The following OPCML variants were observed in gnomAD, a reference collection of about 807,000 sequenced individuals.
OPCML encodes the protein opioid-binding protein/cell adhesion molecule.
Under a neutral mutation model 37.8 loss-of-function variants are expected in OPCML, and 13 were observed. That is an observed-to-expected ratio of 0.34 (90% confidence interval 0.22 to 0.55). OPCML has a LOEUF of 0.55. Among genes scored for constraint, OPCML ranks in the 20% least tolerant of loss-of-function variants. OPCML has a pLI of 0.91. For synonymous variants in OPCML, 176 were observed against 168.8 expected (o/e 1.04, Z -0.33); for missense variants, 341 against 435.6 (o/e 0.78, Z 1.93).
rs145368132 is a variant in OPCML, at chr11:132,942,891, A to AGGGGCTCGGGGCTC, written c.146+34_146+35insGAGCCCCGAGCCCC. 79 of 1,612,140 alleles carry AGGGGCTCGGGGCTC rather than the reference A, an allele frequency of 4.9e-5. No individual in the cohort carries two copies. The South Asian group carries it at 7.8e-4, about 16-fold the overall frequency. On this transcript the variant is annotated intron_variant, in intron 2 of 7. Transcript: ENST00000524381. ...CTCCTCTCCCCAGCGACCACAGCCCAGGGGCTCGGCCCCCGCGGAAGGACA... is the reference window on the plus strand; with the variant it reads ...CTCCTCTCCCCAGCGACCACAGCCCAGGGGCTCGGGGCTCGGGGCTCGGCCCCCGCGGAAGGACA...
chr11:133,233,029 TG>T (rs1019602388), intron 1 of OPCML, among the ~76,000 whole-genome samples: 1 of 151,972 alleles, frequency 6.6e-6, no homozygotes, highest in Non-Finnish European at 1.5e-5. Flanking sequence ...TTTTGGGGGG[TG>T]GGTCTTCCTC....
chr11:133,127,733 G>T (rs188698414), intron 1 of OPCML, among the ~76,000 whole-genome samples: 5 of 151,776 alleles, frequency 3.3e-5, no homozygotes, highest in Admixed American at 6.6e-5. Flanking sequence ...AAAACAAATT[G>T]CTGTCATCAC....
chr11:132,600,048 C>A (rs1221086627), intron 3 of OPCML, among the ~76,000 whole-genome samples: 1 of 152,178 alleles, frequency 6.6e-6, no homozygotes. Flanking sequence ...TTTAAGGGAA[C>A]AGGTATGGGC....
chr11:132,431,519 CTG>C (rs201010844), intron 7 of OPCML, among the ~76,000 whole-genome samples: 3,274 of 152,312 alleles, frequency 0.021, 56 homozygotes, highest in Non-Finnish European at 0.034. Flanking sequence ...CCTTGTGGCT[CTG>C]TGTGGGGAAG....
chr11:132,622,962 C>T (rs1034160115), intron 3 of OPCML, among the ~76,000 whole-genome samples: 1 of 152,164 alleles, frequency 6.6e-6, no homozygotes, highest in African/African-American at 2.4e-5. Context: ...ACTTCCTCAA[C>T]TCTAAATGGC....
chr11:133,192,805 G>A (rs2136304532), intron 1 of OPCML, among the ~76,000 whole-genome samples: 1 of 151,872 alleles, frequency 6.6e-6, no homozygotes, highest in South Asian at 2.1e-4. Flanking sequence ...TTTAGTTGTG[G>A]TTGCTATAAT....
intron 1 of OPCML, among the ~76,000 whole-genome samples, chr11:133,087,498 A>T (rs1375181708): frequency 6.6e-6 from 1 of 151,988 alleles, no homozygotes; most frequent in Non-Finnish European, 1.5e-5. Context: ...GTCCATGTAG[A>T]CTCAATGAAT....
At chr11:132,921,853 G>A (rs554196705) in intron 2 of OPCML, among the ~76,000 whole-genome samples, 1 of 152,206 alleles carries the variant, frequency 6.6e-6, no homozygotes, top group East Asian at 1.9e-4. Context: ...GCACCTTATT[G>A]AGGCCCTCCA....
intron 4 of OPCML, among the ~76,000 whole-genome samples, chr11:132,466,265 C>T (rs966193470): frequency 6.7e-6 from 1 of 149,296 alleles, no homozygotes; most frequent in African/African-American, 2.5e-5. Context: ...GCGGGCGGAT[C>T]ACGAGGTCAG....
chr11:133,404,013 G>C (rs769930363), intron 1 of OPCML, among the ~76,000 whole-genome samples: 2 of 152,240 alleles, frequency 1.3e-5, no homozygotes, highest in Non-Finnish European at 2.9e-5. Flanking sequence ...GAGGCTGGAA[G>C]TTCGAAGCCC....
chr11:133,410,804 ATGT>A (rs1197888052), intron 1 of OPCML, among the ~76,000 whole-genome samples: 2 of 152,156 alleles, frequency 1.3e-5, no homozygotes, highest in Non-Finnish European at 2.9e-5. Flanking sequence ...ACTTGACGAC[ATGT>A]TGTACATTCT....
At chr11:133,251,288 A>G (rs1326989830) in intron 1 of OPCML, among the ~76,000 whole-genome samples, 1 of 152,074 alleles carries the variant, frequency 6.6e-6, no homozygotes, top group East Asian at 1.9e-4. Flanking sequence ...ACAGAAAAAA[A>G]GGATTATATG....
chr11:133,062,749 T>G (rs531829299), intron 1 of OPCML, among the ~76,000 whole-genome samples: 2 of 152,324 alleles, frequency 1.3e-5, no homozygotes, highest in African/African-American at 4.8e-5. Flanking sequence ...CAGCTGGGGT[T>G]TAGGGCTGCC....
At chr11:133,356,230 G>A (rs10791290) in intron 1 of OPCML, among the ~76,000 whole-genome samples, 47,267 of 151,988 alleles carry the variant, frequency 0.31, 8,538 homozygotes, top group East Asian at 0.55. Flanking sequence ...TATAATCAGA[G>A]GGCTTTAAAG....
chr11:133,030,310 T>A (rs977953529), intron 1 of OPCML, among the ~76,000 whole-genome samples: 1 of 152,172 alleles, frequency 6.6e-6, no homozygotes, highest in Admixed American at 6.5e-5. Context: ...TGGGTAACAA[T>A]GTATGCCTCA....
intron 1 of OPCML, among the ~76,000 whole-genome samples, chr11:133,198,679 C>CAG (rs1938635890): frequency 6.6e-6 from 1 of 152,222 alleles, no homozygotes; most frequent in Admixed American, 6.5e-5. Flanking sequence ...GTGGATTTTA[C>CAG]AGAGAGACCA....
chr11:132,881,476 G>A (rs1250230858), intron 2 of OPCML, among the ~76,000 whole-genome samples: 1 of 152,142 alleles, frequency 6.6e-6, no homozygotes, highest in Non-Finnish European at 1.5e-5. Flanking sequence ...CTGCTGACTA[G>A]GCTCCCTGCA....
intron 4 of OPCML, among the ~76,000 whole-genome samples, chr11:132,523,899 C>T (rs2096300938): frequency 6.6e-6 from 1 of 152,138 alleles, no homozygotes; most frequent in Non-Finnish European, 1.5e-5. Context: ...GCACTTGCTC[C>T]CTGAGATGTT....
chr11:132,450,883 G>T (rs1382660114), intron 4 of OPCML, among the ~76,000 whole-genome samples: 2 of 152,186 alleles, frequency 1.3e-5, no homozygotes, highest in Non-Finnish European at 2.9e-5. Flanking sequence ...GGTGGGGTTT[G>T]ATGATTTCTA....
Sources: gnomAD v4.1 joint callset for allele counts (sites outside exome capture counted in the v4.1 genomes callset) on GRCh38, gnomAD v4.1.1 for gene constraint, MANE v1.5 for transcripts, NCBI Gene and HGNC (gene_info 2026-07-23, HGNC 2026-07-21) for gene names.